Variants in ANO6 observed in about 807,000 individuals in gnomAD.
ANO6 encodes anoctamin 6.
Under a neutral mutation model 117.5 loss-of-function variants are expected in ANO6, and 106 were observed. The observed-to-expected ratio is 0.90, with a 90% CI of 0.77 to 1.06. The LOEUF is 1.06. Ranked by LOEUF, ANO6 falls within the 50% of genes least tolerant of loss-of-function variation. The pLI, the probability that ANO6 is intolerant of heterozygous loss-of-function variation, is 0.00. For synonymous variants in ANO6, 367 were observed against 385.1 expected (o/e 0.95, Z 0.55); for missense variants, 955 against 1,121.1 (o/e 0.85, Z 2.12).
At chr12:45,270,489 T>G in intron 1 of ANO6, 1 of 1,447,732 alleles carries the variant, frequency 6.9e-7, no homozygotes, top group Non-Finnish European at 9.3e-7. Flanking sequence ...AGGAGGCCTT[T>G]TCTGACTCCT....
chr12:45,241,318 A>G (rs1472422221), intron 1 of ANO6, among the ~76,000 whole-genome samples: 1 of 152,142 alleles, frequency 6.6e-6, no homozygotes, highest in Non-Finnish European at 1.5e-5. Context: ...AATCACTGAT[A>G]TCATTTCTTC....
chr12:45,372,783 C>G lies in ANO6; in HGVS notation c.1104+4990C>G, dbSNP rs543004837. 2.6e-5 allele frequency among the ~76,000 whole-genome samples: 4 copies of G among 152,274 alleles called. No individual in the cohort carries two copies. In the East Asian group the frequency reaches 5.8e-4, roughly 22 times the overall value. ...TGCCAAAATGTAAAGACCATAGAGA[C>G]TAGGAAGAAACTGCATCAACTAAAG... is the stretch of plus-strand genomic sequence containing the variant. On this transcript the variant is annotated intron_variant, in intron 9 of 19. Transcript: ENST00000320560.
intron 15 of ANO6, among the ~76,000 whole-genome samples, chr12:45,406,912 C>G (rs562415623): frequency 3.3e-5 from 5 of 152,242 alleles, no homozygotes; most frequent in Admixed American, 3.3e-4. Context: ...ATGTTTTGTA[C>G]AAAATAAGGA....
chr12:45,333,717 A>G (rs183270338), intron 3 of ANO6, among the ~76,000 whole-genome samples: 119 of 152,166 alleles, frequency 7.8e-4, no homozygotes, highest in African/African-American at 2.5e-3. Context: ...CTTAATTTAT[A>G]TATACTTCAC....
Position 45,268,286 on chromosome 12 carries a change from C to A in ANO6, c.71-33728C>A, listed in dbSNP as rs551380156. ...CTGTAATCCCAGCACTTTGGGAAGC[C>A]AAGGCAGGCAGATCACTTGAGGTTA... On this transcript the variant is annotated intron_variant, in intron 1 of 19. Transcript: ENST00000320560. Among the ~76,000 whole-genome samples the A allele has an allele frequency of 9.2e-5, 14 of 152,222 alleles. No individual in the cohort carries two copies. The East Asian group carries it at 2.5e-3, about 27-fold the overall frequency.
rs759399019 is a variant in ANO6 at position 45,216,356 on chromosome 12, TGGA to T, written c.48_50del (p.Glu16del). ...ATGAGCAGGAATGTTTTGCTACAAA[TGGA>T]GGAGGAGGAGGACGACGACGATGGG... On this transcript the variant is annotated inframe_deletion, in exon 1 of 20. Transcript: ENST00000320560. 1.9e-5 allele frequency: 31 copies of T among 1,611,952 alleles called. No homozygotes were observed. The highest frequency in any genetic ancestry group is 1.5e-4 in the South Asian group (14 of 90,806).
At chr12:45,295,641 A>C (rs1939265957) in intron 1 of ANO6, among the ~76,000 whole-genome samples, 2 of 152,060 alleles carry the variant, frequency 1.3e-5, no homozygotes, top group African/African-American at 4.8e-5. Context: ...GGCTCACTGC[A>C]ACCTCTGCTT....
intron 1 of ANO6, chr12:45,292,892 C>A (rs1021097723): frequency 3.9e-6 from 6 of 1,550,930 alleles, no homozygotes; most frequent in Non-Finnish European, 5.2e-6. Flanking sequence ...ACCGAATTGT[C>A]CATTCCCCCT....
At chr12:45,268,936 C>T (rs1006928693) in intron 1 of ANO6, among the ~76,000 whole-genome samples, 78 of 152,222 alleles carry the variant, frequency 5.1e-4, no homozygotes, top group African/African-American at 1.6e-3. Context: ...CACCCATTGG[C>T]AAGGGGCCAG....
Position 45,357,300 on chromosome 12 carries a change from G to A in ANO6, c.874G>A (p.Gly292Arg). The A allele has an allele frequency of 6.2e-7, 1 of 1,613,766 alleles. No homozygotes were observed. The highest frequency in any genetic ancestry group is 2.2e-5 in the East Asian group (1 of 44,872). Residue 292 changes from glycine (G) to arginine (R), a missense_variant, in exon 8 of 20, where the codon GGA becomes AGA. Gly to Arg is a moderately radical substitution (Grantham distance 125). Transcript: ENST00000320560. ...TCTGTCTTTCTTCAGGAAATACTAT[G>A]GAGAGAAGATTGGAATCTACTTTGC... The part of the protein sequence containing the change: ...QPLDLIRKYY[G>R]EKIGIYFAWL...
rs978551706 is a variant in ANO6 at position 45,223,907 on chromosome 12, C to T, written c.70+7516C>T. On this transcript the variant is annotated intron_variant, in intron 1 of 19. Coordinates refer to ENST00000320560, the MANE Select transcript of ANO6 (RefSeq NM_001025356.3). ...TTGTGGAAGGAATGGATGATTTATT[C>T]TTCTAAGATAACTTGATTAACATAA... 3.9e-5 allele frequency among the ~76,000 whole-genome samples: 6 copies of T among 152,122 alleles called. No homozygotes were observed. In the South Asian group the frequency reaches 8.3e-4, roughly 21 times the overall value.
At chr12:45,217,188 A>G (rs1419016200) in intron 1 of ANO6, among the ~76,000 whole-genome samples, 1 of 152,128 alleles carries the variant, frequency 6.6e-6, no homozygotes, top group East Asian at 1.9e-4. Flanking sequence ...GGGGAAAGGA[A>G]TGAGAGGACT....
chr12:45,318,600 A>C (rs980380830), intron 2 of ANO6, among the ~76,000 whole-genome samples: 5 of 152,140 alleles, frequency 3.3e-5, no homozygotes, highest in Admixed American at 2.0e-4. Context: ...TTGACTTGGC[A>C]ATGCGGGCTT....
rs570401872 is a variant in ANO6 at position 45,216,773 on chromosome 12, C to G, written c.70+382C>G. 6.6e-5 allele frequency among the ~76,000 whole-genome samples: 10 copies of G among 152,358 alleles called. No individual in the cohort carries two copies. The South Asian group carries it at 2.1e-3, about 32-fold the overall frequency. Reference sequence around the variant, plus strand: ...GGAGCCTCGGCACTGGGGCGAGCCCCCTGGGCGGGGTCCGGGGAGCAGGCC... The same window carrying G: ...GGAGCCTCGGCACTGGGGCGAGCCCGCTGGGCGGGGTCCGGGGAGCAGGCC... On this transcript the variant is annotated intron_variant, in intron 1 of 19. Coordinates refer to ENST00000320560, the MANE Select transcript of ANO6 (RefSeq NM_001025356.3).
At chr12:45,335,193 G>C (rs1034820528) in intron 3 of ANO6, among the ~76,000 whole-genome samples, 15 of 151,978 alleles carry the variant, frequency 9.9e-5, no homozygotes, top group African/African-American at 2.7e-4. Context: ...ATGGCAAAAG[G>C]ATCTGGCCAG....
At chr12:45,310,209 G>T (rs1939804971) in intron 2 of ANO6, among the ~76,000 whole-genome samples, 1 of 152,154 alleles carries the variant, frequency 6.6e-6, no homozygotes, top group Admixed American at 6.6e-5. Context: ...AAATTTTTTG[G>T]AATACAGAAT....
chr12:45,265,479 G>T (rs755914650), intron 1 of ANO6, among the ~76,000 whole-genome samples: 1 of 152,154 alleles, frequency 6.6e-6, no homozygotes, highest in African/African-American at 2.4e-5. Flanking sequence ...AATGATAGCA[G>T]TTATGTCTTG....
intron 3 of ANO6, among the ~76,000 whole-genome samples, chr12:45,342,966 G>C (rs1413142326): frequency 6.6e-6 from 1 of 152,116 alleles, no homozygotes; most frequent in Admixed American, 6.6e-5. Flanking sequence ...GAGAGGTGGT[G>C]CCCAACTACT....
chr12:45,380,889 T>G (rs1200653494), intron 10 of ANO6, among the ~76,000 whole-genome samples: 1 of 151,964 alleles, frequency 6.6e-6, no homozygotes, highest in African/African-American at 2.4e-5. Flanking sequence ...ATTGCTTGAA[T>G]CCAGGAGGCA....
Sources: gnomAD v4.1 joint callset for allele counts (sites outside exome capture counted in the v4.1 genomes callset) on GRCh38, gnomAD v4.1.1 for gene constraint, MANE v1.5 for transcripts, NCBI Gene and HGNC (gene_info 2026-07-23, HGNC 2026-07-21) for gene names.